The following SRGAP2C variants were observed in gnomAD, a reference collection of about 807,000 sequenced individuals.
The protein encoded by SRGAP2C is SLIT-ROBO Rho GTPase-activating protein 2C.
SRGAP2C carries 15 observed loss-of-function variants against 25.1 expected under a neutral mutation model. The ratio of observed to expected loss-of-function variants is 0.60; its 90% CI spans 0.40 to 0.92. SRGAP2C has a LOEUF of 0.92. Among genes scored for constraint, SRGAP2C ranks in the 40% least tolerant of loss-of-function variants. The pLI is 0.00. For synonymous variants in SRGAP2C, 44 were observed against 96.6 expected (o/e 0.46, Z 3.19); for missense variants, 144 against 264.4 (o/e 0.54, Z 3.16).
chr1:121,340,200 C>T (rs1162951704), intron 4 of SRGAP2C, among the ~76,000 whole-genome samples: 2 of 152,052 alleles, frequency 1.3e-5, no homozygotes, highest in South Asian at 2.1e-4. Flanking sequence ...GCATTGCATC[C>T]CTTCCTGCCT....
chr1:121,350,699 T>TA (rs1309004982), intron 4 of SRGAP2C, among the ~76,000 whole-genome samples: 6 of 152,172 alleles, frequency 3.9e-5, no homozygotes, highest in African/African-American at 1.4e-4. Flanking sequence ...AATGATTTCT[T>TA]ACATATGACA....
chr1:121,286,305 A>C (rs1246378663), intron 3 of SRGAP2C, among the ~76,000 whole-genome samples: 25 of 138,050 alleles, frequency 1.8e-4, no homozygotes, highest in Admixed American at 5.9e-4. Flanking sequence ...GAAGTACAAT[A>C]GCGTGATCTT....
chr1:121,328,851 TAC>T (rs1658371510), intron 4 of SRGAP2C, among the ~76,000 whole-genome samples: 1 of 147,288 alleles, frequency 6.8e-6, no homozygotes, highest in South Asian at 2.2e-4. Flanking sequence ...CATGCCACTG[TAC>T]TCTAGCTTGA....
chr1:121,281,420 C>T (rs1432669279), intron 2 of SRGAP2C, among the ~76,000 whole-genome samples: 1 of 149,498 alleles, frequency 6.7e-6, no homozygotes, highest in Non-Finnish European at 1.5e-5. Flanking sequence ...TCCTTTTCCT[C>T]CTTCTTCTTC....
At position 121,284,885 on chromosome 1, in the gene SRGAP2C, G is replaced by A. The variant is rs1212576498; in HGVS notation, c.150G>A (p.Gln50=). Reference sequence around the variant, plus strand: ...GGGTGCAACTGTTGCAGGACCTCCAGGACTTCTTCCGAAAGAAGGCAGAGA... The same window carrying A: ...GGGTGCAACTGTTGCAGGACCTCCAAGACTTCTTCCGAAAGAAGGCAGAGA... ...ELRVQLLQDL[Q]DFFRKKAEIE... is the part of the protein sequence containing the mutation. Residue 50 remains glutamine, a synonymous_variant, in exon 3 of 10, where the codon CAG becomes CAA. Transcript: ENST00000367123. The A allele has an allele frequency of 1.3e-4, 171 of 1,346,136 alleles. 1 individual carries two copies. In the African/African-American group the frequency reaches 2.2e-3, roughly 18 times the overall value. 83.4% of individuals were successfully genotyped at this position (1,346,136 alleles called of 1,614,324 possible).
chr1:121,370,658 A>G (rs1238661402), intron 5 of SRGAP2C, among the ~76,000 whole-genome samples: 4 of 151,984 alleles, frequency 2.6e-5, no homozygotes, highest in African/African-American at 9.7e-5. Context: ...GTTAACCAGG[A>G]TGGTCTCAAT....
intron 3 of SRGAP2C, among the ~76,000 whole-genome samples, chr1:121,310,136 T>G (rs1657948107): frequency 4.6e-5 from 1 of 21,722 alleles, no homozygotes. Context: ...TGAGATGATA[T>G]CTCATAGTGG....
chr1:121,257,984 T>G (rs1570742661), intron 2 of SRGAP2C, among the ~76,000 whole-genome samples: 10 of 142,518 alleles, frequency 7.0e-5, no homozygotes, highest in East Asian at 2.1e-4. Flanking sequence ...GGGTAGGGGG[T>G]GGAGTTGAGG....
chr1:121,218,746 CAG>C (rs1655458571), intron 2 of SRGAP2C, among the ~76,000 whole-genome samples: 1 of 151,678 alleles, frequency 6.6e-6, no homozygotes, highest in African/African-American at 2.4e-5. Context: ...GACCCTGTCT[CAG>C]AGGGGGAAAA....
chr1:121,231,727 A>T (rs1553327587), intron 2 of SRGAP2C, among the ~76,000 whole-genome samples: 1 of 142,694 alleles, frequency 7.0e-6, no homozygotes. Flanking sequence ...ACTCACAGTC[A>T]TAAAGCTGTA....
intron 2 of SRGAP2C, among the ~76,000 whole-genome samples, chr1:121,266,464 T>A (rs1166457973): frequency 6.6e-6 from 1 of 151,932 alleles, no homozygotes; most frequent in Non-Finnish European, 1.5e-5. Flanking sequence ...ACTCACTTGA[T>A]ATATCTGAGG....
chr1:121,244,116 AAG>A (rs1275768574), intron 2 of SRGAP2C, among the ~76,000 whole-genome samples: 1 of 118,352 alleles, frequency 8.4e-6, no homozygotes, highest in African/African-American at 3.5e-5. Flanking sequence ...AAAAAAAAAA[AAG>A]CTTGTCTGGC....
intron 4 of SRGAP2C, among the ~76,000 whole-genome samples, chr1:121,346,488 C>G (rs1225133571): frequency 6.9e-6 from 1 of 145,026 alleles, no homozygotes. Context: ...TTTTTCATGA[C>G]TGGGAGTTTA....
At chr1:121,288,637 G>T (rs1284968107) in intron 3 of SRGAP2C, among the ~76,000 whole-genome samples, 1 of 76,362 alleles carries the variant, frequency 1.3e-5, no homozygotes, top group Non-Finnish European at 2.7e-5. Flanking sequence ...TAAACACAGG[G>T]TGCTGATTGG....
intron 4 of SRGAP2C, among the ~76,000 whole-genome samples, chr1:121,358,775 T>TG (rs1659120055): frequency 9.2e-6 from 1 of 108,546 alleles, no homozygotes; most frequent in Non-Finnish European, 1.9e-5. Flanking sequence ...TCAGATTTTT[T>TG]TTTTTTTTTT....
intron 4 of SRGAP2C, among the ~76,000 whole-genome samples, chr1:121,356,729 C>T (rs1212580847): frequency 6.6e-6 from 1 of 151,978 alleles, no homozygotes; most frequent in African/African-American, 2.4e-5. Context: ...GACATTACGC[C>T]CCCACCCAAA....
chr1:121,367,852 A>T (rs1389149711), intron 5 of SRGAP2C, among the ~76,000 whole-genome samples: 3 of 143,376 alleles, frequency 2.1e-5, no homozygotes, highest in Non-Finnish European at 4.5e-5. Context: ...AGGCAGGCAG[A>T]TCACGAGGTC....
At chr1:121,206,328 A>T (rs1342971028) in intron 2 of SRGAP2C, among the ~76,000 whole-genome samples, 1 of 152,120 alleles carries the variant, frequency 6.6e-6, no homozygotes, top group Non-Finnish European at 1.5e-5. Context: ...GTAGGCACCC[A>T]ATAAATGTGT....
At chr1:121,231,185 T>TAAAGAA (rs782321005) in intron 2 of SRGAP2C, among the ~76,000 whole-genome samples, 1 of 116,166 alleles carries the variant, frequency 8.6e-6, no homozygotes, top group African/African-American at 3.7e-5. Context: ...AAAGTATAAT[T>TAAAGAA]AAAGAAAAAG....
Sources: allele counts gnomAD v4.1 joint callset (sites outside exome capture counted in the v4.1 genomes callset), GRCh38; gene constraint gnomAD v4.1.1; transcripts MANE v1.5; gene names NCBI Gene and HGNC (gene_info 2026-07-23, HGNC 2026-07-21).